Variants in BRSK2 observed in about 807,000 individuals in gnomAD.
BRSK2 encodes the protein BR serine/threonine kinase 2, also known as serine/threonine-protein kinase BRSK2.
BRSK2 carries 19 observed loss-of-function variants against 83.3 expected under a neutral mutation model. The observed-to-expected ratio is 0.23, with a 90% CI of 0.16 to 0.33. BRSK2 has a LOEUF of 0.33. BRSK2 is among the 10% of genes least tolerant of loss of function. BRSK2 has a pLI of 1.00. For missense variants in BRSK2, 798 were observed against 1,042.3 expected (o/e 0.77, Z 3.23); for synonymous variants, 519 against 435.4 (o/e 1.19, Z -2.39).
intron 1 of BRSK2, among the ~76,000 whole-genome samples, chr11:1,413,019 C>A (rs974374153): frequency 4.6e-5 from 7 of 152,176 alleles, no homozygotes; most frequent in African/African-American, 1.7e-4. Context: ...GCACCCCAGG[C>A]CCTGGCCTCC....
chr11:1,418,814 G>T (rs1411779048), intron 1 of BRSK2, among the ~76,000 whole-genome samples: 10 of 152,260 alleles, frequency 6.6e-5, no homozygotes, highest in Admixed American at 6.5e-4. Context: ...TGCTCAGCCA[G>T]ATCCAAACAG....
At chr11:1,426,330 C>T (rs534730221) in intron 1 of BRSK2, among the ~76,000 whole-genome samples, 60 of 149,296 alleles carry the variant, frequency 4.0e-4, no homozygotes, top group Non-Finnish European at 6.7e-4. Context: ...GTGTGTGGGG[C>T]GTGCTCTGCT....
chr11:1,435,927 TG>T, intron 1 of BRSK2, 112 bp from the exon 2 acceptor site: 1 of 729,664 alleles, frequency 1.4e-6, no homozygotes, highest in Non-Finnish European at 2.2e-6. Flanking sequence ...CTGGAGCGGG[TG>T]GGACCCCTGC....
intron 2 of BRSK2, 89 bp downstream of exon 2, chr11:1,436,223 CGGTGCTGGATGCGGGTGGGGGGG>C: frequency 5.1e-6 from 1 of 196,546 alleles, no homozygotes; most frequent in Non-Finnish European, 7.4e-6. Context: ...TGGGGACCTG[CGGTGCTGGATGCGGGTGGGGGGG>C]CGGGCCCTGC....
At chr11:1,421,220 G>A (rs768122746) in intron 1 of BRSK2, among the ~76,000 whole-genome samples, 8 of 152,190 alleles carry the variant, frequency 5.3e-5, no homozygotes, top group Non-Finnish European at 1.2e-4. Context: ...CCCCCAGGAC[G>A]GGGTGTCAGG....
intron 16 of BRSK2, among the ~76,000 whole-genome samples, chr11:1,455,118 T>G (rs2133247096): frequency 6.6e-6 from 1 of 152,070 alleles, no homozygotes; most frequent in East Asian, 1.9e-4. Flanking sequence ...GCGCTCGGGG[T>G]CTTGGGTGGG....
At chr11:1,447,828 C>G in intron 12 of BRSK2, 1 of 1,597,440 alleles carries the variant, frequency 6.3e-7, no homozygotes, top group East Asian at 2.2e-5. Flanking sequence ...GCCTGGATAT[C>G]GCTGAGGCCC....
intron 1 of BRSK2, among the ~76,000 whole-genome samples, chr11:1,421,712 G>A (rs551440106): frequency 3.9e-5 from 6 of 152,250 alleles, no homozygotes; most frequent in South Asian, 2.1e-4. Flanking sequence ...GGCTGTTACC[G>A]TGGGTGTGCA....
intron 1 of BRSK2, among the ~76,000 whole-genome samples, chr11:1,393,399 G>A (rs576616218): frequency 4.6e-5 from 7 of 152,312 alleles, no homozygotes; most frequent in African/African-American, 1.7e-4. Flanking sequence ...GGGGCAGGCG[G>A]GTGGGCTGCA....
intron 15 of BRSK2, among the ~76,000 whole-genome samples, chr11:1,452,890 CCCAG>C (rs1290217689): frequency 6.6e-6 from 1 of 152,238 alleles, no homozygotes; most frequent in Non-Finnish European, 1.5e-5. Context: ...AACCCCCAGC[CCCAG>C]CTGCTGCCAG....
At chr11:1,450,511 G>T (rs903074090) in intron 13 of BRSK2, 76 bp from the exon 14 acceptor site, 4 of 709,968 alleles carry the variant, frequency 5.6e-6, no homozygotes, top group Admixed American at 3.3e-5. Context: ...CCCTGGGCCC[G>T]CCTGCCCTGC....
At chr11:1,415,716 C>A (rs906318003) in intron 1 of BRSK2, among the ~76,000 whole-genome samples, 1 of 152,366 alleles carries the variant, frequency 6.6e-6, no homozygotes, top group South Asian at 2.1e-4. Context: ...CCCTCACTTT[C>A]CTTCATAGAA....
At chr11:1,411,341 C>A in intron 1 of BRSK2, 2 of 1,405,614 alleles carry the variant, frequency 1.4e-6, no homozygotes, top group Non-Finnish European at 1.8e-6. Flanking sequence ...GAGCAGGGGG[C>A]ACAGTTCTGC....
At chr11:1,440,435 G>T (rs1407254903) in intron 3 of BRSK2, among the ~76,000 whole-genome samples, 1 of 152,044 alleles carries the variant, frequency 6.6e-6, no homozygotes, top group Non-Finnish European at 1.5e-5. Flanking sequence ...GAGTCCCGAG[G>T]CTACCCCATG....
intron 12 of BRSK2, chr11:1,447,660 C>T (rs1852335269): frequency 2.5e-6 from 2 of 786,244 alleles, no homozygotes; most frequent in Non-Finnish European, 2.1e-6. Flanking sequence ...TCTGGCCCAG[C>T]CTCCTCTCTC....
intron 1 of BRSK2, among the ~76,000 whole-genome samples, chr11:1,413,914 GC>G: frequency 6.6e-6 from 1 of 152,072 alleles, no homozygotes; most frequent in Non-Finnish European, 1.5e-5. Context: ...GCCCAGCTCT[GC>G]CTTCTGCCCC....
At chr11:1,455,372 CCACTG>C (rs1184158241) in intron 16 of BRSK2, among the ~76,000 whole-genome samples, 1 of 148,284 alleles carries the variant, frequency 6.7e-6, no homozygotes, top group Non-Finnish European at 1.5e-5. Flanking sequence ...CCTGTGCTCA[CCACTG>C]CCCGGGCGCC....
chr11:1,456,792 C>T, intron 18 of BRSK2, 105 bp downstream of exon 18: 2 of 1,350,108 alleles, frequency 1.5e-6, no homozygotes, highest in South Asian at 1.3e-5. Context: ...GCCTCCTGGC[C>T]CCTCTTGACG....
At chr11:1,427,684 G>A (rs940996274) in intron 1 of BRSK2, among the ~76,000 whole-genome samples, 6 of 152,362 alleles carry the variant, frequency 3.9e-5, no homozygotes, top group South Asian at 2.1e-4. Context: ...CTTCCCTCTC[G>A]ACAGCCAAGC....
Sources: gnomAD v4.1 joint callset for allele counts (sites outside exome capture counted in the v4.1 genomes callset) on GRCh38, gnomAD v4.1.1 for gene constraint, MANE v1.5 for transcripts, NCBI Gene and HGNC (gene_info 2026-07-23, HGNC 2026-07-21) for gene names.